ZNF343: variants seen among roughly 807,000 people sequenced by gnomAD.
ZNF343 encodes the protein zinc finger protein 343.
In ZNF343, 11 loss-of-function variants were observed where a neutral mutation model predicts 13.8. That is an observed-to-expected ratio of 0.80 (90% CI 0.50 to 1.32). ZNF343 has a LOEUF of 1.32. Ranked by LOEUF, ZNF343 falls within the 40% of genes most tolerant of loss-of-function variation. ZNF343 has a pLI of 0.00. For missense variants in ZNF343, 658 were observed against 714.2 expected (o/e 0.92, Z 0.90); for synonymous variants, 248 against 260.0 (o/e 0.95, Z 0.44).
At position 2,484,087 on chromosome 20, in the gene ZNF343, A is replaced by G; in HGVS notation, c.874T>C (p.Ser292Pro). The change falls in exon 6 of 6, where the codon TCG (serine) becomes CCG (proline). Residue 292 changes from serine (S) to proline (P), a missense_variant. Transcript: ENST00000278772. The stretch of plus-strand genomic sequence containing the variant: ...CTGCACACATAAGGCTTCTCCATCG[A>G]GTGTATACGATGGTGTCTGATGAGG... ...STLIRHHRIH[S>P]MEKPYVCSEC... 1.2e-6 allele frequency: 2 copies of G among 1,614,212 alleles called. No individual in the cohort carries two copies. Among genetic ancestry groups the G allele is most frequent in the Non-Finnish European group, 1.7e-6 (2 of 1,180,042 alleles).
intron 5 of ZNF343, among the ~76,000 whole-genome samples, chr20:2,485,201 G>A (rs1253526792): frequency 6.6e-6 from 1 of 152,154 alleles, no homozygotes; most frequent in East Asian, 1.9e-4. Context: ...AAATGCCAAA[G>A]TACTAGGTTC....
chr20:2,495,754 C>T (rs1195908736), intron 2 of ZNF343, among the ~76,000 whole-genome samples: 1 of 150,588 alleles, frequency 6.6e-6, no homozygotes, highest in Admixed American at 6.6e-5. Context: ...AATCTTGGCT[C>T]ACCGCAACCT....
chr20:2,516,169 T>C (rs138440223), intron 1 of ZNF343, among the ~76,000 whole-genome samples: 2 of 151,682 alleles, frequency 1.3e-5, no homozygotes, highest in Non-Finnish European at 2.9e-5. Context: ...GGAATCAAGG[T>C]GAGGATGAGA....
chr20:2,493,461 A>G (rs1568480045), intron 4 of ZNF343, 58 bp downstream of exon 4: 10 of 1,469,268 alleles, frequency 6.8e-6, no homozygotes, highest in Non-Finnish European at 9.5e-6. Flanking sequence ...ATATATGTCT[A>G]TTCTCTGGAA....
intron 5 of ZNF343, among the ~76,000 whole-genome samples, 155 bp downstream of exon 5, chr20:2,492,544 C>T (rs1464922922): frequency 1.3e-5 from 2 of 152,136 alleles, no homozygotes; most frequent in African/African-American, 4.8e-5. Context: ...TGTTGTCTGT[C>T]TCCTTACACT....
upstream of ZNF343, among the ~76,000 whole-genome samples, chr20:2,511,319 A>G (rs144921968): frequency 9.7e-3 from 1,480 of 152,120 alleles, 8 homozygotes; most frequent in Middle Eastern, 0.048. Flanking sequence ...CATGTTGCCC[A>G]GGCTGATCTT....
chr20:2,520,234 C>A (rs765678305), intron 1 of ZNF343, among the ~76,000 whole-genome samples: 16 of 152,084 alleles, frequency 1.1e-4, no homozygotes, highest in African/African-American at 3.4e-4. Flanking sequence ...ACTTTATGAG[C>A]TAGTTTGTAT....
intron 5 of ZNF343, among the ~76,000 whole-genome samples, chr20:2,487,261 A>G (rs1335280637): frequency 6.6e-6 from 1 of 152,210 alleles, no homozygotes; most frequent in Non-Finnish European, 1.5e-5. Context: ...TTTAAACACT[A>G]ACATGCTCCA....
chr20:2,496,453 A>G (rs2085460576), intron 2 of ZNF343, among the ~76,000 whole-genome samples: 1 of 152,188 alleles, frequency 6.6e-6, no homozygotes, highest in Non-Finnish European at 1.5e-5. Context: ...TGCAGCCTTG[A>G]GCATGCTGGT....
chr20:2,493,848 C>G lies in ZNF343; in HGVS notation c.48G>C (p.Glu16Asp), dbSNP rs892372281. The G allele has an allele frequency of 4.3e-6, 7 of 1,614,020 alleles. No homozygotes were observed. Among genetic ancestry groups the G allele is most frequent in the Non-Finnish European group, 5.9e-6 (7 of 1,180,008 alleles). Reference sequence around the variant, plus strand: ...TTTCCCCATTCTTTGGAAGCAAAATCTCTTCCCAGTATTGATCTCCCAGTG... The same window carrying G: ...TTTCCCCATTCTTTGGAAGCAAAATGTCTTCCCAGTATTGATCTCCCAGTG... ...PSALGDQYWE[E>D]ILLPKNGENV... Residue 16 changes from glutamate (E) to aspartate (D), a missense_variant, in exon 3 of 6, where the codon GAG (glutamate) becomes GAC (aspartate). Physicochemically the swap from Glu to Asp is conservative, Grantham distance 45 (BLOSUM62 2). Coordinates refer to ENST00000278772, the MANE Select transcript of ZNF343 (RefSeq NM_024325.6).
rs750624905 is a variant in ZNF343 at position 2,484,376 on chromosome 20, G to A, written c.585C>T (p.Ser195=). The A allele has an allele frequency of 5.6e-6, 9 of 1,614,218 alleles. No homozygotes were observed. Among genetic ancestry groups the A allele is most frequent in the Middle Eastern group, 1.6e-4 (1 of 6,062 alleles). ...EERETSRAFP[S]PLQRQSASPR... is the part of the protein sequence containing the mutation. The stretch of plus-strand genomic sequence containing the variant: ...GACTTGCTGACTGTCTTTGGAGTGG[G>A]CTGGGGAATGCCCTTGAGGTTTCTC... Residue 195 remains serine, a synonymous_variant, in exon 6 of 6, where the codon AGC becomes AGT. Coordinates refer to ENST00000278772, the MANE Select transcript of ZNF343 (RefSeq NM_024325.6).
Position 2,483,148 on chromosome 20 carries a change from C to G in ZNF343, c.*13G>C, listed in dbSNP as rs367599171. The stretch of plus-strand genomic sequence containing the variant: ...GTCTTGTTCATGACCCCTGCATACA[C>G]AGGTTTCTCCCGTCAGTGTGTCCTC... On this transcript the variant is annotated 3_prime_UTR_variant, in exon 6 of 6. Coordinates refer to ENST00000278772, the MANE Select transcript of ZNF343 (RefSeq NM_024325.6). 6.3e-7 allele frequency: 1 copy of G among 1,591,076 alleles called. No homozygotes were observed. Among genetic ancestry groups the G allele is most frequent in the Non-Finnish European group, 8.6e-7 (1 of 1,168,472 alleles).
rs2085178352 is a variant in ZNF343, at chr20:2,482,388, G to A, written c.*773C>T. 1 of 152,332 alleles carries A rather than the reference G, an allele frequency of 6.6e-6. No homozygotes were observed. The highest frequency in any genetic ancestry group is 1.5e-5 in the Non-Finnish European group (1 of 68,098). The allele number at this position is 152,332 out of a possible 1,614,324, so 9.4% of individuals were successfully genotyped here. ...TGGGGAGTGAGGGCAGGACTGGGCAGAGGAAGAAGCTGACCTGCAATGTGT... is the reference window on the plus strand; with the variant it reads ...TGGGGAGTGAGGGCAGGACTGGGCAAAGGAAGAAGCTGACCTGCAATGTGT... On this transcript the variant is annotated 3_prime_UTR_variant, in exon 6 of 6. Transcript: ENST00000278772.
chr20:2,487,569 A>G lies in ZNF343; in HGVS notation c.305-2913T>C, dbSNP rs187690265. On this transcript the variant is annotated intron_variant, in intron 5 of 5. Transcript: ENST00000278772. The stretch of plus-strand genomic sequence containing the variant: ...TCATGTATCATCACTTCTTCAACCA[A>G]TTTACTACATAAGGGCAATTAGGTT... 5.3e-5 allele frequency among the ~76,000 whole-genome samples: 8 copies of G among 152,304 alleles called. No individual in the cohort carries two copies. In the East Asian group the frequency reaches 1.2e-3, roughly 22 times the overall value.
At chr20:2,487,779 C>T (rs1015082925) in intron 5 of ZNF343, among the ~76,000 whole-genome samples, 2 of 152,210 alleles carry the variant, frequency 1.3e-5, no homozygotes, top group Non-Finnish European at 2.9e-5. Flanking sequence ...TTCTGCATTG[C>T]CATCTGCAGT....
intron 4 of ZNF343, 131 bp from the exon 5 acceptor site, chr20:2,492,956 T>C: frequency 7.5e-7 from 1 of 1,332,912 alleles, no homozygotes; most frequent in Non-Finnish European, 1.0e-6. Context: ...TGGTTCTCCA[T>C]ATGAAGTTCT....
upstream of ZNF343, among the ~76,000 whole-genome samples, chr20:2,511,802 A>G (rs1424626207): frequency 5.9e-5 from 9 of 152,252 alleles, no homozygotes; most frequent in Admixed American, 5.9e-4. Context: ...ACAGACCCAC[A>G]GCTAACATCA....
chr20:2,498,150 A>T (rs1271670066), intron 2 of ZNF343, among the ~76,000 whole-genome samples: 1 of 152,200 alleles, frequency 6.6e-6, no homozygotes, highest in African/African-American at 2.4e-5. Flanking sequence ...TGAGGTCAGG[A>T]GGGCAAGACC....
chr20:2,521,047 T>G (rs780653495), intron 1 of ZNF343, among the ~76,000 whole-genome samples: 5 of 152,212 alleles, frequency 3.3e-5, no homozygotes, highest in Non-Finnish European at 5.9e-5. Flanking sequence ...TTAGAAGGGA[T>G]AAGTGTAGAC....
Sources: allele counts gnomAD v4.1 joint callset (sites outside exome capture counted in the v4.1 genomes callset), GRCh38; gene constraint gnomAD v4.1.1; transcripts MANE v1.5; gene names NCBI Gene and HGNC (gene_info 2026-07-23, HGNC 2026-07-21).